Variants in ABL1 observed in about 807,000 individuals in gnomAD.
The protein encoded by ABL1 is tyrosine-protein kinase ABL1.
ABL1 carries 11 observed loss-of-function variants against 94.7 expected under a neutral mutation model. That is an observed-to-expected ratio of 0.12 (90% CI 0.07 to 0.19). The LOEUF is 0.19. Among genes scored for constraint, ABL1 ranks in the 10% least tolerant of loss-of-function variants. The probability of loss-of-function intolerance (pLI) is 1.00; values close to 1 mark genes in which losing one functional copy is unlikely to be tolerated. For synonymous variants in ABL1, 656 were observed against 622.4 expected (o/e 1.05, Z -0.80); for missense variants, 1,082 against 1,489.4 (o/e 0.73, Z 4.50).
rs775005776 is a variant in ABL1 at position 130,854,048 on chromosome 9, C to G, written c.80-16C>G. 1.3e-6 allele frequency: 2 copies of G among 1,585,108 alleles called. No homozygotes were observed. The highest frequency in any genetic ancestry group is 1.9e-5 in the Admixed American group (1 of 53,658). ...TCTTCCTTTTTCTTTTTTCTGTTCC[C>G]CCCTTTCTCTTCCAGAAGCCCTTCA... On this transcript the variant is annotated splice_polypyrimidine_tract_variant and intron_variant, in intron 1 of 10. Transcript: ENST00000318560.
At chr9:130,802,093 G>GTTT (rs755216103) in intron 1 of ABL1, among the ~76,000 whole-genome samples, 1 of 118,808 alleles carries the variant, frequency 8.4e-6, no homozygotes, top group African/African-American at 4.1e-5. Context: ...TTTTCCTTCA[G>GTTT]TCTTTTTTTT....
intron 1 of ABL1, among the ~76,000 whole-genome samples, chr9:130,837,059 C>T (rs1830600549): frequency 6.6e-6 from 1 of 152,176 alleles, no homozygotes; most frequent in African/African-American, 2.4e-5. Context: ...GTTTGCCCTT[C>T]TTGCCACAGT....
At chr9:130,882,724 CG>C (rs1478444262) in intron 10 of ABL1, among the ~76,000 whole-genome samples, 1 of 151,944 alleles carries the variant, frequency 6.6e-6, no homozygotes, top group Non-Finnish European at 1.5e-5. Flanking sequence ...TTAGTAGAGA[CG>C]GGGTTTCATC....
chr9:130,841,573 A>C (rs1017870774), intron 1 of ABL1, among the ~76,000 whole-genome samples: 1 of 150,736 alleles, frequency 6.6e-6, no homozygotes, highest in Non-Finnish European at 1.5e-5. Flanking sequence ...GCACTTTGGG[A>C]GGCCGAGGCA....
chr9:130,724,962 G>A (rs901825426), intron 1 of ABL1: 1 of 331,374 alleles, frequency 3.0e-6, no homozygotes. Flanking sequence ...GGTAGACTTC[G>A]GAAGGTGACA....
chr9:130,807,296 T>C (rs1172851755), intron 1 of ABL1, among the ~76,000 whole-genome samples: 4 of 152,174 alleles, frequency 2.6e-5, no homozygotes, highest in Non-Finnish European at 5.9e-5. Flanking sequence ...TTGACCAGGC[T>C]AGAGTGCAGT....
In ABL1 at chr9:130,884,521, G is replaced by T. The variant is rs1831530188; in HGVS notation, c.2231G>T (p.Gly744Val). 2 of 1,613,204 alleles carry T rather than the reference G, an allele frequency of 1.2e-6. No homozygotes were observed. The highest frequency in any genetic ancestry group is 4.5e-5 in the East Asian group (2 of 44,878). The change falls in exon 11 of 11, where the codon GGA (glycine) becomes GTA (valine). Residue 744 changes from glycine (G) to valine (V), a missense_variant. Around this residue, in one of 7 missense-constraint regions of ABL1, gnomAD observed 780 missense variants for 835.8 expected, o/e 0.93. Coordinates refer to ENST00000318560, the MANE Select transcript of ABL1 (RefSeq NM_005157.6). This position sits in a 1 kb window ranked among gnomAD's most constrained non-coding sequence, Gnocchi z 5.6. ...VTLPRDLQST[G>V]RQFDSSTFGG... ...CTGCCTCGGGACTTGCAGTCCACGG[G>T]AAGACAGTTTGACTCGTCCACATTT...
chr9:130,796,541 C>G (rs150709176), intron 1 of ABL1, among the ~76,000 whole-genome samples: 5 of 152,154 alleles, frequency 3.3e-5, no homozygotes, highest in African/African-American at 1.2e-4. Context: ...ATCTGGCCTT[C>G]AAATGATCGA....
chr9:130,886,320 CAG>C lies in ABL1; in HGVS notation c.*638_*639del, dbSNP rs142859378. Reference sequence around the variant, plus strand: ...GACAGCTCTTGATTTGGGTGGAAAACAGGGTGCTAAAGCCAACCAGCCTTTGG... The same window carrying C: ...GACAGCTCTTGATTTGGGTGGAAAACGGTGCTAAAGCCAACCAGCCTTTGG... On this transcript the variant is annotated 3_prime_UTR_variant, in exon 11 of 11. Coordinates refer to ENST00000318560, the MANE Select transcript of ABL1 (RefSeq NM_005157.6). The C allele has an allele frequency of 1.3e-3, 299 of 234,526 alleles. 8 individuals are homozygous for C. In the East Asian group the frequency reaches 0.017, roughly 13 times the overall value. The allele number at this position is 234,526 out of a possible 1,614,324, so 14.5% of individuals were successfully genotyped here.
Position 130,875,094 on chromosome 9 carries a change from A to G in ABL1, c.1270+42A>G, listed in dbSNP as rs372704002. ...CACTGAAGTGGTCCTTCCTGACTAC[A>G]GGAGGGTTTTTTTCTGCCTCTTTCT... On this transcript the variant is annotated intron_variant, in intron 7 of 10. Coordinates refer to ENST00000318560, the MANE Select transcript of ABL1 (RefSeq NM_005157.6). The G allele has an allele frequency of 1.0e-4, 157 of 1,573,996 alleles. 1 individual carries two copies. The African/African-American group carries it at 1.8e-3, about 18-fold the overall frequency.
At chr9:130,799,942 G>A (rs1383206661) in intron 1 of ABL1, among the ~76,000 whole-genome samples, 1 of 151,366 alleles carries the variant, frequency 6.6e-6, no homozygotes, top group South Asian at 2.1e-4. Flanking sequence ...GCGCAATCTC[G>A]GCTCACTGCA....
At chr9:130,861,266 A>G (rs987418391) in intron 3 of ABL1, among the ~76,000 whole-genome samples, 2 of 152,184 alleles carry the variant, frequency 1.3e-5, no homozygotes, top group South Asian at 2.1e-4. Context: ...TTTTAGTGAT[A>G]TTGTTACCAA....
intron 1 of ABL1, among the ~76,000 whole-genome samples, chr9:130,750,615 A>C: frequency 7.2e-6 from 1 of 138,776 alleles, no homozygotes; most frequent in African/African-American, 2.7e-5. Context: ...CTGACCTAAC[A>C]TGGTTCTTTT....
In ABL1 at chr9:130,854,507, A is replaced by T. The variant is rs34227220; in HGVS notation, c.253+270A>T. The stretch of plus-strand genomic sequence containing the variant: ...ACTGAACGCAATTTTTCCCCTAAGA[A>T]AAAGCATTATTTCCCTAAAATGTCT... On this transcript the variant is annotated intron_variant, in intron 2 of 10. Transcript: ENST00000318560. 6.3e-3 allele frequency among the ~76,000 whole-genome samples: 964 copies of T among 152,340 alleles called. 13 individuals are homozygous for T. Among genetic ancestry groups the T allele is most frequent in the African/African-American group, 0.022 (903 of 41,580 alleles).
At chr9:130,781,010 A>G (rs1385842528) in intron 1 of ABL1, among the ~76,000 whole-genome samples, 8 of 152,146 alleles carry the variant, frequency 5.3e-5, no homozygotes, top group Admixed American at 1.3e-4. Context: ...CCTTTGCTGG[A>G]TATATTCAGC....
Position 130,872,808 on chromosome 9 carries a change from G to T in ABL1, c.908-52G>T. On this transcript the variant is annotated intron_variant, in intron 5 of 10. Transcript: ENST00000318560. The surrounding 1 kb of genome is among the most constrained non-coding windows in gnomAD (Gnocchi z 5.0). Reference sequence around the variant, plus strand: ...AGGCTTTTTCTTTAGACAGTTGTTTGTTCAGTTGGGAGCGGAGCCACGTGT... The same window carrying T: ...AGGCTTTTTCTTTAGACAGTTGTTTTTTCAGTTGGGAGCGGAGCCACGTGT... 1.3e-6 allele frequency: 2 copies of T among 1,552,150 alleles called. No individual in the cohort carries two copies. Among genetic ancestry groups the T allele is most frequent in the East Asian group, 4.5e-5 (2 of 43,966 alleles).
chr9:130,732,841 G>C (rs543384930), intron 1 of ABL1, among the ~76,000 whole-genome samples: 1 of 151,652 alleles, frequency 6.6e-6, no homozygotes, highest in East Asian at 1.9e-4. Context: ...TGACCTTTAA[G>C]TCCTCCTTTA....
At position 130,776,996 on chromosome 9, in the gene ABL1, A is replaced by G. The variant is rs564189146; in HGVS notation, c.136+62541A>G. Reference sequence around the variant, plus strand: ...AGTATTTTTCACTTATTTTCTATTAATTTTTTATTTTGGCAGTCATACTTT... The same window carrying G: ...AGTATTTTTCACTTATTTTCTATTAGTTTTTTATTTTGGCAGTCATACTTT... On this transcript the variant is annotated intron_variant, in intron 1 of 10. Coordinates refer to the ABL1 transcript ENST00000372348. Among the ~76,000 whole-genome samples the G allele has an allele frequency of 4.6e-5, 7 of 151,872 alleles. No homozygotes were observed. The East Asian group carries it at 1.4e-3, about 29-fold the overall frequency.
At position 130,862,614 on chromosome 9, in the gene ABL1, G is replaced by A. The variant is rs1831092209; in HGVS notation, c.550-149G>A. On this transcript the variant is annotated intron_variant, in intron 3 of 10. Transcript: ENST00000318560. The surrounding 1 kb of genome is among the most constrained non-coding windows in gnomAD (Gnocchi z 5.5). ...GCACACGTAGAGAAAGACAGCAGAA[G>A]TGATCTTCTAAACACTCTGTCCTGT... 1 of 872,992 alleles carries A rather than the reference G, an allele frequency of 1.1e-6. No homozygotes were observed. Among genetic ancestry groups the A allele is most frequent in the Non-Finnish European group, 1.7e-6 (1 of 584,090 alleles). 54.1% of individuals were successfully genotyped at this position (872,992 alleles called of 1,614,324 possible). A position where few individuals can be genotyped will look rare whatever the true frequency, so the allele number is the denominator to read the frequency against.
Sources: gnomAD v4.1 joint callset for allele counts (sites outside exome capture counted in the v4.1 genomes callset) on GRCh38, gnomAD v4.1.1 for gene constraint, gnomAD v4.1.1 regional missense constraint, Gnocchi (gnomAD v3.1) non-coding constraint, MANE v1.5 for transcripts, NCBI Gene and HGNC (gene_info 2026-07-23, HGNC 2026-07-21) for gene names.